Variants in MAST4 observed in about 807,000 individuals in gnomAD.
The protein encoded by MAST4 is microtubule-associated serine/threonine-protein kinase 4.
Under a neutral mutation model 162.7 loss-of-function variants are expected in MAST4, and 89 were observed. The observed-to-expected ratio is 0.55, with a 90% CI of 0.46 to 0.65. The LOEUF (loss-of-function observed/expected upper bound fraction) is 0.65. MAST4 is among the 30% of genes least tolerant of loss of function. The pLI is 0.00. For synonymous variants in MAST4, 1,479 were observed against 1,361.1 expected (o/e 1.09, Z -1.91); for missense variants, 3,153 against 3,374.0 (o/e 0.93, Z 1.62).
chr5:66,971,911 A>G (rs1417279255), intron 4 of MAST4, among the ~76,000 whole-genome samples: 2 of 145,430 alleles, frequency 1.4e-5, no homozygotes, highest in Non-Finnish European at 3.0e-5. Context: ...TGATATGAGA[A>G]TTAAGTTGTG....
At chr5:66,961,691 T>C (rs1561482703) in intron 4 of MAST4, among the ~76,000 whole-genome samples, 1 of 152,232 alleles carries the variant, frequency 6.6e-6, no homozygotes, top group Non-Finnish European at 1.5e-5. Flanking sequence ...TTCGTAGCAC[T>C]CATCATGTGT....
chr5:66,596,840 A>AGCCGCC lies in MAST4; in HGVS notation c.199_204dup (p.Pro67_Pro68dup), dbSNP rs577558811. 9.6e-4 allele frequency: 1,193 copies of AGCCGCC among 1,242,998 alleles called. 6 individuals carry two copies. In the African/African-American group the frequency reaches 0.017, roughly 17 times the overall value. The allele number at this position is 1,242,998 out of a possible 1,614,324, so 77.0% of individuals were successfully genotyped here. A position where few individuals can be genotyped will look rare whatever the true frequency, so the allele number is the denominator to read the frequency against. Reference sequence around the variant, plus strand: ...CCCGGCGGCTTCTCCAGAGAGCATCAGCCGCCGCCGCCGCCGCCGTTGGGA... The same window carrying AGCCGCC: ...CCCGGCGGCTTCTCCAGAGAGCATCAGCCGCCGCCGCCGCCGCCGCCGCCGTTGGGA... On this transcript the variant is annotated inframe_insertion, in exon 1 of 29. Coordinates refer to ENST00000403625, the MANE Select transcript of MAST4 (RefSeq NM_001164664.2).
intron 26 of MAST4, among the ~76,000 whole-genome samples, chr5:67,157,718 G>T (rs552899644): frequency 2.0e-5 from 3 of 152,208 alleles, no homozygotes; most frequent in South Asian, 4.1e-4. Flanking sequence ...AGCCAGCATG[G>T]GCTTTTCCAC....
At position 67,076,280 on chromosome 5, in the gene MAST4, C is replaced by G. The variant is rs186962532; in HGVS notation, c.764-13882C>G. ...GAATCCCTTGGATCACATTCTCTGT[C>G]ACACTTAATTGTGGCATAAACTCTT... On this transcript the variant is annotated intron_variant, in intron 5 of 28. Transcript: ENST00000403625. Among the ~76,000 whole-genome samples the G allele has an allele frequency of 2.0e-5, 3 of 152,316 alleles. No homozygotes were observed. The East Asian group carries it at 5.8e-4, about 29-fold the overall frequency.
intron 1 of MAST4, among the ~76,000 whole-genome samples, chr5:66,624,164 T>G (rs1177237139): frequency 8.5e-6 from 1 of 117,300 alleles, no homozygotes; most frequent in Non-Finnish European, 1.9e-5. Context: ...TTTTTTTTTT[T>G]TTTTTGAGAT....
Position 66,724,688 on chromosome 5 carries a change from A to G in MAST4, c.364-35021A>G, listed in dbSNP as rs1461574698. ...GGGCTACAAACCTGTATAGCTTGTT[A>G]CTGTACTGAATACTGTAAGCAGTTG... On this transcript the variant is annotated intron_variant, in intron 1 of 28. Transcript: ENST00000403625. 3.9e-5 allele frequency among the ~76,000 whole-genome samples: 6 copies of G among 152,268 alleles called. No individual in the cohort carries two copies. In the East Asian group the frequency reaches 1.2e-3, roughly 29 times the overall value.
At chr5:66,800,173 A>G (rs995652549) in intron 3 of MAST4, among the ~76,000 whole-genome samples, 1 of 152,232 alleles carries the variant, frequency 6.6e-6, no homozygotes, top group African/African-American at 2.4e-5. Flanking sequence ...TTTCTGCAGG[A>G]TAACTTGTCA....
intron 4 of MAST4, among the ~76,000 whole-genome samples, chr5:66,940,729 C>T (rs938523658): frequency 3.9e-5 from 6 of 152,126 alleles, no homozygotes; most frequent in South Asian, 4.1e-4. Flanking sequence ...ATTTCTTCCA[C>T]ACTTCTGTTT....
At chr5:66,873,661 A>AG (rs1285435631) in intron 3 of MAST4, among the ~76,000 whole-genome samples, 3 of 152,192 alleles carry the variant, frequency 2.0e-5, no homozygotes, top group Non-Finnish European at 4.4e-5. Flanking sequence ...TTTAACACTG[A>AG]GCCCCATTGC....
intron 4 of MAST4, among the ~76,000 whole-genome samples, chr5:67,035,519 A>G (rs152633): frequency 6.6e-6 from 1 of 152,028 alleles, no homozygotes; most frequent in African/African-American, 2.4e-5. Flanking sequence ...TGTAACCTTT[A>G]TGATGTGGTC....
At chr5:66,644,502 A>G (rs1384336004) in intron 1 of MAST4, among the ~76,000 whole-genome samples, 1 of 152,220 alleles carries the variant, frequency 6.6e-6, no homozygotes, top group African/African-American at 2.4e-5. Context: ...AGCTTAGTTT[A>G]GAGATTGAAT....
At chr5:66,655,496 T>G (rs1164883789) in intron 1 of MAST4, among the ~76,000 whole-genome samples, 3 of 152,188 alleles carry the variant, frequency 2.0e-5, no homozygotes, top group African/African-American at 7.2e-5. Context: ...GGAGTGAATT[T>G]GCCAGAGACC....
At chr5:66,794,442 A>G (rs1755555201) in intron 3 of MAST4, among the ~76,000 whole-genome samples, 1 of 152,230 alleles carries the variant, frequency 6.6e-6, no homozygotes, top group South Asian at 2.1e-4. Context: ...CACTCAAGAA[A>G]TGCTGTCATC....
intron 4 of MAST4, among the ~76,000 whole-genome samples, chr5:66,932,675 T>C (rs1742309764): frequency 6.6e-6 from 1 of 152,198 alleles, no homozygotes; most frequent in African/African-American, 2.4e-5. Flanking sequence ...GGTAATTAGC[T>C]ATGCGTGGGT....
At chr5:66,844,866 T>C (rs1309637517) in intron 3 of MAST4, among the ~76,000 whole-genome samples, 1 of 151,818 alleles carries the variant, frequency 6.6e-6, no homozygotes, top group Non-Finnish European at 1.5e-5. Context: ...TTGGGTCCTA[T>C]TGAGAAATTC....
chr5:66,807,288 A>G (rs1756237076), intron 3 of MAST4, among the ~76,000 whole-genome samples: 1 of 152,092 alleles, frequency 6.6e-6, no homozygotes, highest in Non-Finnish European at 1.5e-5. Flanking sequence ...TGAGGTCAGG[A>G]GATCGAGACC....
intron 4 of MAST4, among the ~76,000 whole-genome samples, chr5:66,983,151 C>T (rs73766114): frequency 4.6e-5 from 7 of 152,194 alleles, no homozygotes; most frequent in Non-Finnish European, 1.0e-4. Context: ...TTGTGCTCAT[C>T]ATACCTATAT....
At chr5:66,620,125 G>A (rs1580007506) in intron 1 of MAST4, among the ~76,000 whole-genome samples, 3 of 149,188 alleles carry the variant, frequency 2.0e-5, no homozygotes, top group East Asian at 2.0e-4. Flanking sequence ...ATTATAGTTC[G>A]CTGTTAGCAA....
chr5:67,142,894 T>G (rs1230659666), intron 21 of MAST4: 2 of 176,184 alleles, frequency 1.1e-5, no homozygotes, highest in East Asian at 3.2e-4. Flanking sequence ...CACAGTCTTG[T>G]TTTTGGAGTG....
Sources: allele counts gnomAD v4.1 joint callset (sites outside exome capture counted in the v4.1 genomes callset), GRCh38; gene constraint gnomAD v4.1.1; transcripts MANE v1.5; gene names NCBI Gene and HGNC (gene_info 2026-07-23, HGNC 2026-07-21).